USH2A: variants seen among roughly 807,000 people sequenced by gnomAD.
USH2A encodes usherin.
USH2A carries 443 observed loss-of-function variants against 538.9 expected under a neutral mutation model. The ratio of observed to expected loss-of-function variants is 0.82; its 90% CI spans 0.76 to 0.89. The LOEUF (loss-of-function observed/expected upper bound fraction) is 0.89. Among genes scored for constraint, USH2A ranks in the 40% least tolerant of loss-of-function variants. The pLI is 0.00. For synonymous variants in USH2A, 2,413 were observed against 2,273.5 expected, an observed-to-expected ratio of 1.06 and a Z score of -1.75; for missense variants, 6,633 against 6,324.8, an observed-to-expected ratio of 1.05 and a Z score of -1.65.
chr1:216,099,844 T>C lies in USH2A; in HGVS notation c.4628-2631A>G, dbSNP rs1157403906. ...ATCTTTAGTTTTAGGCATACTGAAC[T>C]TATGATGCAGAAAACTCTGCCTGCC... On this transcript the variant is annotated intron_variant, in intron 21 of 71. Coordinates refer to ENST00000307340, the MANE Select transcript of USH2A (RefSeq NM_206933.4). Among the ~76,000 whole-genome samples, 12 of 152,174 alleles carry C rather than the reference T, an allele frequency of 7.9e-5. 1 individual carries two copies. The highest frequency in any genetic ancestry group is 1.8e-4 in the Non-Finnish European group (12 of 68,034).
At chr1:215,671,372 T>A (rs1376523618) in intron 63 of USH2A, 79 bp from the exon 64 acceptor site, 9 of 1,155,732 alleles carry the variant, frequency 7.8e-6, no homozygotes, top group Admixed American at 2.5e-5. Flanking sequence ...CACCAGGCCT[T>A]AAAAAAAAAA....
At position 215,844,402 on chromosome 1, in the gene USH2A, G is replaced by A; in HGVS notation, c.9150C>T (p.Val3050=). Residue 3050 remains valine (V), a synonymous_variant, in exon 46 of 72, where the codon GTC becomes GTT. Coordinates refer to ENST00000307340, the MANE Select transcript of USH2A (RefSeq NM_206933.4). Reference sequence around the variant, plus strand: ...TATTTACATAGATAGAATACTCAGTGACAACACCATTTGGGTTTGAAGGAG... The same window carrying A: ...TATTTACATAGATAGAATACTCAGTAACAACACCATTTGGGTTTGAAGGAG... ...WTSPSNPNGV[V]TEYSIYVNNK... 6.2e-7 allele frequency: 1 copy of A among 1,613,704 alleles called. No homozygotes were observed. Among genetic ancestry groups the A allele is most frequent in the Non-Finnish European group, 8.5e-7 (1 of 1,179,882 alleles).
intron 37 of USH2A, among the ~76,000 whole-genome samples, chr1:215,957,257 A>G (rs1667090652): frequency 6.6e-6 from 1 of 152,090 alleles, no homozygotes; most frequent in Non-Finnish European, 1.5e-5. Context: ...TTTTATTCCT[A>G]ATATCTTTTG....
At chr1:216,338,999 C>T (rs1009607956) in intron 4 of USH2A, among the ~76,000 whole-genome samples, 2 of 151,506 alleles carry the variant, frequency 1.3e-5, no homozygotes, top group African/African-American at 4.8e-5. Context: ...CTTAAGAAGC[C>T]TATGATACCT....
intron 43 of USH2A, among the ~76,000 whole-genome samples, chr1:215,870,458 C>CTTT (rs10689595): frequency 0.036 from 4,479 of 123,030 alleles, 140 homozygotes; most frequent in East Asian, 0.11. Context: ...CCACTCCTAG[C>CTTT]TTTTTTTTTT....
At chr1:216,339,209 A>AGAAAAATTCTTT (rs2038029387) in intron 4 of USH2A, among the ~76,000 whole-genome samples, 1 of 151,646 alleles carries the variant, frequency 6.6e-6, no homozygotes, top group Admixed American at 6.6e-5. Context: ...CAAAATGGGT[A>AGAAAAATTCTTT]ATTCTCAGAA....
At chr1:216,143,403 AT>A (rs1182733247) in intron 21 of USH2A, among the ~76,000 whole-genome samples, 2 of 152,152 alleles carry the variant, frequency 1.3e-5, no homozygotes, top group African/African-American at 4.8e-5. Context: ...TTAGGGCACC[AT>A]TTCATAACTA....
intron 52 of USH2A, among the ~76,000 whole-genome samples, chr1:215,785,491 T>G (rs1322993127): frequency 6.6e-6 from 1 of 152,166 alleles, no homozygotes; most frequent in African/African-American, 2.4e-5. Context: ...TGACCATATT[T>G]ATATGATTGC....
In USH2A at chr1:215,813,882, T is replaced by A. The variant is rs772611054; in HGVS notation, c.9593A>T (p.Tyr3198Phe). 1 of 1,613,808 alleles carries A rather than the reference T, an allele frequency of 6.2e-7. No individual in the cohort carries two copies. The highest frequency in any genetic ancestry group is 1.1e-5 in the South Asian group (1 of 91,082). ...EAKVCCNGVL[Y>F]NPKPGHRCCE... The stretch of plus-strand genomic sequence containing the variant: ...ACAGCGATGTCCAGGCTTGGGGTTA[T>A]AGAGCACTCCGTTACAACAAACCTG... Residue 3198 changes from tyrosine (Y) to phenylalanine (F), a missense_variant, in exon 49 of 72, where the codon TAT becomes TTT. Physicochemically the swap from Tyr to Phe is conservative, Grantham distance 22 (BLOSUM62 3). Coordinates refer to ENST00000307340, the MANE Select transcript of USH2A (RefSeq NM_206933.4).
chr1:216,140,110 A>G (rs2033571680), intron 21 of USH2A, among the ~76,000 whole-genome samples: 1 of 152,158 alleles, frequency 6.6e-6, no homozygotes, highest in Non-Finnish European at 1.5e-5. Context: ...AGACAATTTG[A>G]CTTTCTTAAT....
intron 4 of USH2A, among the ~76,000 whole-genome samples, chr1:216,341,714 T>G (rs1571720200): frequency 6.6e-6 from 1 of 152,066 alleles, no homozygotes; most frequent in East Asian, 1.9e-4. Flanking sequence ...CATCTGATCT[T>G]TGACAAGCTG....
intron 30 of USH2A, among the ~76,000 whole-genome samples, chr1:216,061,896 G>A (rs748870532): frequency 2.0e-5 from 3 of 152,134 alleles, no homozygotes; most frequent in Non-Finnish European, 4.4e-5. Flanking sequence ...GAAACTGTAG[G>A]GTGGCTGCGC....
In USH2A at chr1:216,347,257, G is replaced by C. The variant is rs1018843683; in HGVS notation, c.784+17696C>G. Among the ~76,000 whole-genome samples the C allele has an allele frequency of 2.6e-5, 4 of 152,092 alleles. No homozygotes were observed. The East Asian group carries it at 7.7e-4, about 29-fold the overall frequency. On this transcript the variant is annotated intron_variant, in intron 4 of 71. Transcript: ENST00000307340. ...ATTTTATATAGGAAAGGAAAGAAAA[G>C]AGACAGATGGTTTGGAGATCTAAGT...
intron 27 of USH2A, 114 bp from the exon 28 acceptor site, chr1:216,073,414 G>C: frequency 8.8e-7 from 1 of 1,141,830 alleles, no homozygotes; most frequent in Non-Finnish European, 1.3e-6. Context: ...AGATACAATT[G>C]CTAGACTTTC....
intron 4 of USH2A, among the ~76,000 whole-genome samples, chr1:216,361,923 G>A (rs890726668): frequency 6.6e-6 from 1 of 152,084 alleles, no homozygotes; most frequent in Non-Finnish European, 1.5e-5. Flanking sequence ...TTGAGAACAG[G>A]CAACATTAAT....
intron 70 of USH2A, among the ~76,000 whole-genome samples, chr1:215,631,843 A>G (rs929941506): frequency 2.6e-5 from 4 of 152,188 alleles, no homozygotes; most frequent in African/African-American, 9.7e-5. Context: ...GGGTGTTTAC[A>G]TTCTTTTGTC....
chr1:216,422,161 C>G lies in USH2A; in HGVS notation c.176G>C (p.Gly59Ala). The G allele has an allele frequency of 6.2e-7, 1 of 1,613,718 alleles. No individual in the cohort carries two copies. Residue 59 changes from glycine to alanine, a missense_variant, in exon 2 of 72, where the codon GGA becomes GCA. Coordinates refer to ENST00000307340, the MANE Select transcript of USH2A (RefSeq NM_206933.4). The stretch of plus-strand genomic sequence containing the variant: ...ACAAAAAGTGCTTCGGTCTGGGAGT[C>G]CACATACTGCTTGGGTTGGCACGAT... ...VSIVPTQAVC[G>A]LPDRSTFCHS...
rs55921307 is a variant in USH2A at position 215,680,350 on chromosome 1, G to A, written c.12093C>T (p.Tyr4031=). Residue 4031 remains tyrosine (Y), a synonymous_variant, in exon 62 of 72, where the codon TAC becomes TAT. Coordinates refer to ENST00000307340, the MANE Select transcript of USH2A (RefSeq NM_206933.4). ...VKGTSHQAHL[Y]GLEPFTTYRI... is the part of the protein sequence containing the mutation. ...GATATGTTGTGAATGGTTCTAACCC[G>A]TACAGGTGGGCTTGATGGCTTGTTC... 5,432 of 1,613,796 alleles carry A rather than the reference G, an allele frequency of 3.4e-3. 17 individuals carry two copies. Among genetic ancestry groups the A allele is most frequent in the Admixed American group, 4.0e-3 (240 of 59,984 alleles).
chr1:216,011,823 T>C (rs935744421), intron 32 of USH2A, among the ~76,000 whole-genome samples: 1 of 152,034 alleles, frequency 6.6e-6, no homozygotes, highest in Non-Finnish European at 1.5e-5. Context: ...ACAATTACCA[T>C]TGTTCCTGGC....
Sources: allele counts gnomAD v4.1 joint callset (sites outside exome capture counted in the v4.1 genomes callset), GRCh38; gene constraint gnomAD v4.1.1; transcripts MANE v1.5; gene names NCBI Gene and HGNC (gene_info 2026-07-23, HGNC 2026-07-21).